The following ATP13A3 variants were observed in gnomAD, a reference collection of about 807,000 sequenced individuals.
The protein encoded by ATP13A3 is polyamine-transporting ATPase 13A3.
A neutral mutation model predicts 158.1 loss-of-function variants in ATP13A3; 59 were observed. That is an observed-to-expected ratio of 0.37 (90% confidence interval 0.30 to 0.46). The LOEUF (loss-of-function observed/expected upper bound fraction) is 0.46. Among genes scored for constraint, ATP13A3 ranks in the 20% least tolerant of loss-of-function variants. ATP13A3 has a pLI of 1.00. For missense variants in ATP13A3, 1,166 were observed against 1,525.2 expected (o/e 0.76, Z 3.92); for synonymous variants, 491 against 504.3 (o/e 0.97, Z 0.35).
chr3:194,429,987 T>C (rs1717099452), intron 26 of ATP13A3, 85 bp downstream of exon 26: 1 of 1,258,578 alleles, frequency 7.9e-7, no homozygotes. Context: ...ATTAAACAAA[T>C]TCATGTTACT....
chr3:194,470,926 C>A (rs76970417), intron 2 of ATP13A3, among the ~76,000 whole-genome samples: 4,952 of 152,146 alleles, frequency 0.033, 263 homozygotes, highest in African/African-American at 0.11. Context: ...AAAACTGGCA[C>A]CTACTCCTGA....
At chr3:194,439,501 T>C (rs2108857514) in intron 16 of ATP13A3, among the ~76,000 whole-genome samples, 1 of 152,368 alleles carries the variant, frequency 6.6e-6, no homozygotes, top group East Asian at 1.9e-4. Context: ...GAACCTTTTT[T>C]GGTGAAAAAC....
intron 10 of ATP13A3, chr3:194,451,619 C>A (rs1718813826): frequency 6.6e-6 from 1 of 152,280 alleles, no homozygotes; most frequent in African/African-American, 2.4e-5. Flanking sequence ...GGGAAGGAAG[C>A]AATCTCTTGG....
intron 11 of ATP13A3, among the ~76,000 whole-genome samples, chr3:194,449,694 A>C (rs548976533): frequency 7.0e-6 from 1 of 143,256 alleles, no homozygotes; most frequent in South Asian, 2.3e-4. Context: ...ACAAACAAAA[A>C]AAAAACAAAA....
At chr3:194,458,747 A>G (rs1475089941) in intron 6 of ATP13A3, among the ~76,000 whole-genome samples, 2 of 152,164 alleles carry the variant, frequency 1.3e-5, no homozygotes, top group Non-Finnish European at 2.9e-5. Context: ...AGGCATGTAA[A>G]AATGCCCATG....
intron 10 of ATP13A3, among the ~76,000 whole-genome samples, chr3:194,453,280 TA>T (rs35230118): frequency 0.17 from 17,603 of 100,922 alleles, 1,851 homozygotes; most frequent in East Asian, 0.35. Context: ...ACATCGACTT[TA>T]AAAAAAAAAA....
chr3:194,456,462 G>A (rs754465384), intron 7 of ATP13A3, among the ~76,000 whole-genome samples: 2 of 151,964 alleles, frequency 1.3e-5, no homozygotes, highest in African/African-American at 4.8e-5. Context: ...ATATGATAGA[G>A]TAATTCTAGA....
At chr3:194,439,393 G>A (rs149662754) in intron 16 of ATP13A3, among the ~76,000 whole-genome samples, 20 of 152,322 alleles carry the variant, frequency 1.3e-4, no homozygotes, top group African/African-American at 4.6e-4. Context: ...GCTCAGATAT[G>A]GTTAGCAGAA....
At chr3:194,449,618 A>G (rs1006990517) in intron 11 of ATP13A3, among the ~76,000 whole-genome samples, 3 of 152,076 alleles carry the variant, frequency 2.0e-5, no homozygotes, top group African/African-American at 7.2e-5. Context: ...CGGAGGCTGC[A>G]GTGAGCCAAG....
intron 20 of ATP13A3, 132 bp downstream of exon 20, chr3:194,436,963 C>A: frequency 8.2e-7 from 1 of 1,217,570 alleles, no homozygotes. Context: ...ACTTCAATCA[C>A]CTAAAACAAT....
At position 194,430,199 on chromosome 3, in the gene ATP13A3, A is replaced by G. The variant is rs760431447; in HGVS notation, c.2668-18T>C. On this transcript the variant is annotated intron_variant, in intron 25 of 33. Transcript: ENST00000645319. ...TTCAAAGCCTAATAATTTTAAGAAA[A>G]CTGGTTAAGTTTTGTGAATATGATT... 3.1e-6 allele frequency: 5 copies of G among 1,613,544 alleles called. No individual in the cohort carries two copies. In the Admixed American group the frequency reaches 8.3e-5, roughly 27 times the overall value.
At chr3:194,466,344 G>A (rs1333209677) in intron 2 of ATP13A3, among the ~76,000 whole-genome samples, 2 of 152,062 alleles carry the variant, frequency 1.3e-5, no homozygotes, top group Admixed American at 6.5e-5. Flanking sequence ...CTGCTACCTC[G>A]ACTCATCAAA....
Position 194,454,306 on chromosome 3 carries a change from C to G in ATP13A3, c.717G>C (p.Val239=). Residue 239 remains valine (V), a synonymous_variant, in exon 9 of 34, where the codon GTG becomes GTC. Coordinates refer to ENST00000645319, the MANE Select transcript of ATP13A3 (RefSeq NM_001367549.1). ...TTACGATTGATACTATGGACATAAC[C>G]ACAATAGCTAGAGCATAGTAATAGT... The part of the protein sequence containing the change: ...DEYYYYALAI[V]VMSIVSIVSS... The G allele has an allele frequency of 6.2e-7, 1 of 1,608,178 alleles. No homozygotes were observed. Among genetic ancestry groups the G allele is most frequent in the Non-Finnish European group, 8.5e-7 (1 of 1,175,080 alleles).
chr3:194,444,656 G>T, intron 15 of ATP13A3, 69 bp downstream of exon 15: 1 of 1,339,754 alleles, frequency 7.5e-7, no homozygotes, highest in Non-Finnish European at 1.0e-6. Context: ...CTTCCTTTAT[G>T]TTTGAATGTT....
intron 11 of ATP13A3, among the ~76,000 whole-genome samples, chr3:194,449,150 C>T (rs375226537): frequency 4.7e-4 from 71 of 152,124 alleles, no homozygotes; most frequent in African/African-American, 1.6e-3. Context: ...TGGTGGTTCT[C>T]TCAAACAACC....
In ATP13A3 at chr3:194,431,031, A is replaced by G. The variant is rs759013746; in HGVS notation, c.2545-9T>C. On this transcript the variant is annotated splice_polypyrimidine_tract_variant and intron_variant, in intron 23 of 33. Coordinates refer to ENST00000645319, the MANE Select transcript of ATP13A3 (RefSeq NM_001367549.1). Reference sequence around the variant, plus strand: ...GTGCCATGCAACATCAACTGGAAACAATAATACAAATTTTTTTAAAATACT... The same window carrying G: ...GTGCCATGCAACATCAACTGGAAACGATAATACAAATTTTTTTAAAATACT... 81 of 1,613,582 alleles carry G rather than the reference A, an allele frequency of 5.0e-5. No individual in the cohort carries two copies. Among genetic ancestry groups the G allele is most frequent in the Non-Finnish European group, 6.7e-5 (79 of 1,179,700 alleles).
intron 24 of ATP13A3, 46 bp downstream of exon 24, chr3:194,430,897 C>T (rs1166053760): frequency 2.1e-6 from 3 of 1,439,274 alleles, no homozygotes; most frequent in South Asian, 2.8e-5. Flanking sequence ...TGAAATGAAA[C>T]CATCATTCAT....
At chr3:194,427,932 A>G (rs990792095) in intron 28 of ATP13A3, among the ~76,000 whole-genome samples, 1 of 151,964 alleles carries the variant, frequency 6.6e-6, no homozygotes, top group Non-Finnish European at 1.5e-5. Flanking sequence ...TAAAGTTCCT[A>G]TTTTTCAGCT....
intron 2 of ATP13A3, among the ~76,000 whole-genome samples, chr3:194,463,324 T>C (rs1365173995): frequency 1.3e-5 from 2 of 151,546 alleles, no homozygotes; most frequent in South Asian, 2.1e-4. Context: ...ATATTAAACA[T>C]TCAGCTACAC....
Sources: gnomAD v4.1 joint callset for allele counts (sites outside exome capture counted in the v4.1 genomes callset) on GRCh38, gnomAD v4.1.1 for gene constraint, MANE v1.5 for transcripts, NCBI Gene and HGNC (gene_info 2026-07-23, HGNC 2026-07-21) for gene names.